Variants in PSMA1 observed in about 807,000 individuals in gnomAD.
PSMA1 encodes proteasome 20S subunit alpha 1, also known as proteasome subunit alpha type-1.
In PSMA1, 3 loss-of-function variants were observed where a neutral mutation model predicts 38.4. The ratio of observed to expected loss-of-function variants is 0.08; its 90% CI spans 0.04 to 0.20. The LOEUF (loss-of-function observed/expected upper bound fraction) is 0.20, where lower values mean the gene tolerates loss of function less well. Ranked by LOEUF, PSMA1 falls within the 10% of genes least tolerant of loss-of-function variation. The pLI, the probability that PSMA1 is intolerant of heterozygous loss-of-function variation, is 1.00. For missense variants in PSMA1, 227 were observed against 325.3 expected (o/e 0.70, Z 2.32); for synonymous variants, 101 against 107.1 (o/e 0.94, Z 0.35).
At chr11:14,542,832 C>A (rs1169109094) in intron 2 of PSMA1, among the ~76,000 whole-genome samples, 3 of 152,190 alleles carry the variant, frequency 2.0e-5, no homozygotes, top group Non-Finnish European at 4.4e-5. Flanking sequence ...GTTGGCGAAG[C>A]TAATGGATTC....
chr11:14,571,338 C>T (rs1335750917), intron 2 of PSMA1, among the ~76,000 whole-genome samples: 1 of 152,220 alleles, frequency 6.6e-6, no homozygotes, highest in Non-Finnish European at 1.5e-5. Flanking sequence ...GCTGGGATTA[C>T]AGGCATGAGC....
chr11:14,547,222 T>C (rs938064102), intron 2 of PSMA1, among the ~76,000 whole-genome samples: 1 of 152,224 alleles, frequency 6.6e-6, no homozygotes, highest in Admixed American at 6.5e-5. Context: ...ACCTCTATCA[T>C]GTAATATGGT....
chr11:14,598,382 A>C (rs1852530292), intron 2 of PSMA1, among the ~76,000 whole-genome samples: 1 of 152,150 alleles, frequency 6.6e-6, no homozygotes, highest in South Asian at 2.1e-4. Flanking sequence ...TGGGAGTCTA[A>C]GTCTCTTTGT....
intron 2 of PSMA1, among the ~76,000 whole-genome samples, chr11:14,595,969 AG>A (rs1852486701): frequency 6.6e-6 from 1 of 152,190 alleles, no homozygotes; most frequent in Non-Finnish European, 1.5e-5. Context: ...ATGGCTAGCC[AG>A]TTTTCCCAGC....
chr11:14,623,748 A>G (rs1049024402), intron 1 of PSMA1, among the ~76,000 whole-genome samples: 5 of 152,230 alleles, frequency 3.3e-5, no homozygotes, highest in African/African-American at 1.2e-4. Flanking sequence ...GCTGCCAGAG[A>G]CAGGCTATGC....
chr11:14,638,865 A>G (rs1020413372), intron 1 of PSMA1, among the ~76,000 whole-genome samples: 5 of 151,466 alleles, frequency 3.3e-5, no homozygotes, highest in African/African-American at 1.2e-4. Flanking sequence ...GGATAGCCAG[A>G]GCTGAAGAAA....
intron 2 of PSMA1, among the ~76,000 whole-genome samples, chr11:14,598,446 T>C (rs746294541): frequency 5.9e-5 from 9 of 152,164 alleles, no homozygotes; most frequent in Admixed American, 1.3e-4. Flanking sequence ...TGGTTGCATA[T>C]ATATTTAGGA....
chr11:14,571,969 C>A (rs576390085), intron 2 of PSMA1, among the ~76,000 whole-genome samples: 1 of 152,132 alleles, frequency 6.6e-6, no homozygotes, highest in Non-Finnish European at 1.5e-5. Context: ...GCTAACTATC[C>A]TAAATATATA....
At chr11:14,605,723 T>C (rs1316438822) in intron 2 of PSMA1, among the ~76,000 whole-genome samples, 5 of 152,220 alleles carry the variant, frequency 3.3e-5, no homozygotes. Context: ...ATTTGTTTTT[T>C]GCTTGTTCAA....
At chr11:14,538,189 C>T (rs1330512334) in intron 2 of PSMA1, among the ~76,000 whole-genome samples, 1 of 152,108 alleles carries the variant, frequency 6.6e-6, no homozygotes, top group Non-Finnish European at 1.5e-5. Context: ...TGAATCTGGT[C>T]TACATTTTTT....
upstream of PSMA1, among the ~76,000 whole-genome samples, chr11:14,522,357 T>G: frequency 6.6e-6 from 1 of 152,186 alleles, no homozygotes; most frequent in East Asian, 1.9e-4. Flanking sequence ...ACCTATTGTG[T>G]GCATAATTAC....
At chr11:14,633,188 G>A (rs1415628711) in intron 1 of PSMA1, among the ~76,000 whole-genome samples, 18 of 149,358 alleles carry the variant, frequency 1.2e-4, no homozygotes, top group Admixed American at 2.7e-4. Context: ...GAGGAACTGC[G>A]TTCCTTTGGA....
chr11:14,577,788 G>A (rs1852236151), intron 2 of PSMA1, among the ~76,000 whole-genome samples: 1 of 152,146 alleles, frequency 6.6e-6, no homozygotes, highest in Non-Finnish European at 1.5e-5. Context: ...TCAGGCTCCA[G>A]TGTTCACATC....
At chr11:14,520,126 C>T (rs1392024316) in intron 1 of PSMA1, 171 bp downstream of exon 1, 2 of 1,083,060 alleles carry the variant, frequency 1.8e-6, no homozygotes, top group Non-Finnish European at 2.7e-6. Context: ...CCGATAACCC[C>T]TAGCCCGGCC....
At chr11:14,564,804 G>T (rs1852050669) in intron 2 of PSMA1, among the ~76,000 whole-genome samples, 1 of 149,860 alleles carries the variant, frequency 6.7e-6, no homozygotes. Flanking sequence ...TTTTGAGAAG[G>T]GTCCCACTCT....
chr11:14,584,877 T>A (rs1414365755), intron 2 of PSMA1, among the ~76,000 whole-genome samples: 2 of 152,206 alleles, frequency 1.3e-5, no homozygotes, highest in Non-Finnish European at 2.9e-5. Flanking sequence ...TGGGGTCCCA[T>A]GACGAGGATC....
intron 2 of PSMA1, among the ~76,000 whole-genome samples, chr11:14,556,527 A>G (rs762346006): frequency 6.6e-6 from 1 of 152,174 alleles, no homozygotes; most frequent in African/African-American, 2.4e-5. Context: ...CGTCAACACA[A>G]TAGGCCTTTT....
Position 14,633,274 on chromosome 11 carries a change from T to A in PSMA1, c.-166+10181A>T, listed in dbSNP as rs1184501110. 1.3e-5 allele frequency among the ~76,000 whole-genome samples: 2 copies of A among 152,212 alleles called. 1 individual carries two copies. The highest frequency in any genetic ancestry group is 2.9e-5 in the Non-Finnish European group (2 of 68,022). ...TTTCCCCATCTTTGTGGTTTTTATC[T>A]ACTTTTGGTCTTTGATGATGGTGAT... is the stretch of plus-strand genomic sequence containing the variant. On this transcript the variant is annotated intron_variant, in intron 1 of 10. Coordinates refer to the PSMA1 transcript ENST00000418988.
intron 1 of PSMA1, among the ~76,000 whole-genome samples, chr11:14,642,114 C>G (rs576664255): frequency 4.0e-4 from 61 of 151,268 alleles, no homozygotes; most frequent in African/African-American, 1.3e-3. Context: ...CGCACATGCA[C>G]ACACACACAC....
Sources: gnomAD v4.1 joint callset for allele counts (sites outside exome capture counted in the v4.1 genomes callset) on GRCh38, gnomAD v4.1.1 for gene constraint, MANE v1.5 for transcripts, NCBI Gene and HGNC (gene_info 2026-07-23, HGNC 2026-07-21) for gene names.